The following TDRD9 variants were observed in gnomAD, a reference collection of about 807,000 sequenced individuals.
TDRD9 encodes the protein ATP-dependent RNA helicase TDRD9.
Under a neutral mutation model 172.6 loss-of-function variants are expected in TDRD9, and 124 were observed. That is an observed-to-expected ratio of 0.72 (90% CI 0.62 to 0.83). The LOEUF is 0.83. Ranked by LOEUF, TDRD9 falls within the 40% of genes least tolerant of loss-of-function variation. The probability of loss-of-function intolerance (pLI) is 0.00; values close to 1 mark genes in which losing one functional copy is unlikely to be tolerated. For missense variants in TDRD9, 1,479 were observed against 1,714.1 expected (o/e 0.86, Z 2.42); for synonymous variants, 619 against 617.1 (o/e 1.00, Z -0.05).
chr14:104,046,805 C>G (rs563521324), intron 34 of TDRD9, among the ~76,000 whole-genome samples: 1 of 152,080 alleles, frequency 6.6e-6, no homozygotes, highest in African/African-American at 2.4e-5. Flanking sequence ...GCCACCACAC[C>G]TGGCTAATTT....
intron 35 of TDRD9, among the ~76,000 whole-genome samples, chr14:104,050,956 T>C (rs1224828220): frequency 6.6e-6 from 1 of 152,248 alleles, no homozygotes; most frequent in Non-Finnish European, 1.5e-5. Flanking sequence ...GTATTAATCA[T>C]GAATTTATTT....
At chr14:103,940,683 T>G (rs1007635538) in intron 1 of TDRD9, 1 of 630,026 alleles carries the variant, frequency 1.6e-6, no homozygotes, top group African/African-American at 1.8e-5. Context: ...ATTTAAAACA[T>G]AGGCTACATC....
intron 22 of TDRD9, 40 bp downstream of exon 22, chr14:104,016,128 G>A (rs1359606651): frequency 1.5e-6 from 2 of 1,373,278 alleles, no homozygotes; most frequent in South Asian, 1.3e-5. Context: ...GGGGTGTGGT[G>A]GGGCAGAACA....
At chr14:104,044,524 G>C (rs1361995209) in intron 34 of TDRD9, among the ~76,000 whole-genome samples, 6 of 152,032 alleles carry the variant, frequency 3.9e-5, no homozygotes, top group African/African-American at 7.2e-5. Context: ...TTATATATTT[G>C]CCTTCTCTGA....
At chr14:103,992,919 C>A (rs2152200121) in intron 9 of TDRD9, among the ~76,000 whole-genome samples, 1 of 98,622 alleles carries the variant, frequency 1.0e-5, no homozygotes. Context: ...AGCGAGACTC[C>A]ATCTCAAAAA....
chr14:104,006,516 G>C lies in TDRD9; in HGVS notation c.1841G>C (p.Gly614Ala). Residue 614 changes from glycine to alanine, a missense_variant, in exon 16 of 36, where the codon GGA becomes GCA. Around this residue, in one of 3 missense-constraint regions of TDRD9, gnomAD observed 1,413 missense variants for 1,649.1 expected, o/e 0.86. Transcript: ENST00000409874. ...CAACTTGGTAAACTCATAGTCCTTGGACATGTATTTGGATGTCTAGATGAA... is the reference window on the plus strand; with the variant it reads ...CAACTTGGTAAACTCATAGTCCTTGCACATGTATTTGGATGTCTAGATGAA... Reference protein sequence around the residue: ...NQQLGKLIVLGHVFGCLDECL... With the variant: ...NQQLGKLIVLAHVFGCLDECL... 1 of 1,613,852 alleles carries C rather than the reference G, an allele frequency of 6.2e-7. No individual in the cohort carries two copies. The highest frequency in any genetic ancestry group is 8.5e-7 in the Non-Finnish European group (1 of 1,179,810).
chr14:103,934,605 C>T (rs777823401), intron 1 of TDRD9, among the ~76,000 whole-genome samples: 79 of 152,128 alleles, frequency 5.2e-4, no homozygotes, highest in Non-Finnish European at 6.3e-4. Context: ...AGTGAAACCC[C>T]GTCTCTACTA....
Position 104,025,600 on chromosome 14 carries a change from G to A in TDRD9, c.2755G>A (p.Asp919Asn), listed in dbSNP as rs778280578. The A allele has an allele frequency of 1.1e-5, 18 of 1,613,870 alleles. No homozygotes were observed. Among genetic ancestry groups the A allele is most frequent in the Non-Finnish European group, 1.5e-5 (18 of 1,179,892 alleles). Residue 919 changes from aspartate to asparagine, a missense_variant, in exon 26 of 36, where the codon GAT becomes AAT. Physicochemically the swap from Asp to Asn is conservative, Grantham distance 23 (BLOSUM62 1). This residue lies in a region of TDRD9 where 1,413 missense variants were observed against 1,649.1 expected (regional missense o/e 0.86). Transcript: ENST00000409874. ...EVGHFWGYRI[D>N]ENNSEILKKL... The stretch of plus-strand genomic sequence containing the variant: ...GGGACACTTTTGGGGATACAGGATT[G>A]ATGAAAACAACTCAGAGATTCTGAA...
chr14:104,033,870 A>ATT, intron 30 of TDRD9, 90 bp from the exon 31 acceptor site: 1 of 768,036 alleles, frequency 1.3e-6, no homozygotes, highest in Non-Finnish European at 2.3e-6. Flanking sequence ...GCCCGTTTGT[A>ATT]TTTTTGAAAT....
intron 5 of TDRD9, among the ~76,000 whole-genome samples, chr14:103,968,637 A>T (rs1345097860): frequency 6.7e-6 from 1 of 149,734 alleles, no homozygotes; most frequent in East Asian, 2.0e-4. Flanking sequence ...TCTACTAAAA[A>T]TACAAAAAAT....
chr14:104,008,378 T>C (rs771864494), intron 19 of TDRD9, 35 bp from the exon 20 acceptor site: 119 of 1,213,184 alleles, frequency 9.8e-5, no homozygotes, highest in Non-Finnish European at 1.0e-4. Context: ...ATTTATTACC[T>C]TAATATTGAG....
chr14:104,020,511 G>A (rs1429330569), intron 23 of TDRD9, among the ~76,000 whole-genome samples: 1 of 152,264 alleles, frequency 6.6e-6, no homozygotes, highest in South Asian at 2.1e-4. Flanking sequence ...TTACTTCTAC[G>A]GAGTCTTAGG....
intron 9 of TDRD9, among the ~76,000 whole-genome samples, chr14:103,991,661 G>A (rs1399269001): frequency 6.6e-6 from 1 of 152,048 alleles, no homozygotes; most frequent in Non-Finnish European, 1.5e-5. Context: ...TCTGCCCGCT[G>A]TGGCCTCCCA....
At chr14:103,953,291 G>C (rs76169136) in intron 1 of TDRD9, among the ~76,000 whole-genome samples, 1 of 151,998 alleles carries the variant, frequency 6.6e-6, no homozygotes, top group Non-Finnish European at 1.5e-5. Flanking sequence ...GCCCCCTCCT[G>C]TGGGAGCCAC....
At chr14:103,985,299 A>T (rs554951907) in intron 7 of TDRD9, among the ~76,000 whole-genome samples, 7 of 152,232 alleles carry the variant, frequency 4.6e-5, no homozygotes, top group African/African-American at 1.7e-4. Flanking sequence ...GGAGGGACCC[A>T]GTGGGAGGTA....
intron 9 of TDRD9, 107 bp from the exon 10 acceptor site, chr14:103,994,225 A>ATTT: frequency 1.1e-6 from 1 of 932,658 alleles, no homozygotes; most frequent in East Asian, 2.4e-5. Flanking sequence ...AAGTCAAATA[A>ATTT]ATTGGTAGGG....
chr14:103,965,952 AAAAC>A (rs766699981), intron 4 of TDRD9, among the ~76,000 whole-genome samples: 64 of 152,132 alleles, frequency 4.2e-4, no homozygotes, highest in Middle Eastern at 3.4e-3. Context: ...CTCAAAACAA[AAAAC>A]AAACAAACAA....
intron 20 of TDRD9, chr14:104,014,003 G>A (rs972680266): frequency 7.7e-6 from 1 of 130,362 alleles, no homozygotes; most frequent in African/African-American, 2.5e-5. Flanking sequence ...GCCGAGGCAG[G>A]CGGATCATGA....
intron 35 of TDRD9, among the ~76,000 whole-genome samples, chr14:104,051,272 T>C (rs2035928902): frequency 6.6e-6 from 1 of 152,202 alleles, no homozygotes; most frequent in South Asian, 2.1e-4. Context: ...TGCATCCCGA[T>C]TGCACAATTT....
Sources: gnomAD v4.1 joint callset for allele counts (sites outside exome capture counted in the v4.1 genomes callset) on GRCh38, gnomAD v4.1.1 for gene constraint, gnomAD v4.1.1 regional missense constraint, MANE v1.5 for transcripts, NCBI Gene and HGNC (gene_info 2026-07-23, HGNC 2026-07-21) for gene names.